RYR2: variants seen among roughly 807,000 people sequenced by gnomAD.
RYR2 encodes cardiac muscle ryanodine receptor-calcium release channel.
RYR2 carries 227 observed loss-of-function variants against 601.1 expected under a neutral mutation model. The observed-to-expected ratio is 0.38, with a 90% CI of 0.34 to 0.42. The LOEUF (loss-of-function observed/expected upper bound fraction) is 0.42. Ranked by LOEUF, RYR2 falls within the 10% of genes least tolerant of loss-of-function variation. The pLI is 1.00. For synonymous variants in RYR2, 2,223 were observed against 2,175.1 expected (o/e 1.02, Z -0.61); for missense variants, 4,646 against 6,156.5 (o/e 0.75, Z 8.21).
Position 237,831,160 on chromosome 1 carries a change from G to C in RYR2, c.14757-354G>C, listed in dbSNP as rs183325638. Among the ~76,000 whole-genome samples the C allele has an allele frequency of 2.0e-4, 31 of 152,202 alleles. No individual in the cohort carries two copies. In the South Asian group the frequency reaches 6.4e-3, roughly 32 times the overall value. ...TTTAGTATCAAACAGAAGAGATGCC[G>C]AGTAGCATTATAGGGAAAAAAAATT... On this transcript the variant is annotated intron_variant, in intron 103 of 104. Coordinates refer to ENST00000366574, the MANE Select transcript of RYR2 (RefSeq NM_001035.3).
intron 3 of RYR2, among the ~76,000 whole-genome samples, chr1:237,347,640 A>G (rs946216345): frequency 2.6e-5 from 4 of 152,036 alleles, no homozygotes; most frequent in Non-Finnish European, 4.4e-5. Context: ...TATTGTTTGG[A>G]TCAGACCTCG....
In RYR2 at chr1:237,729,555, G is replaced by A. The variant is rs529519199; in HGVS notation, c.10839-705G>A. On this transcript the variant is annotated intron_variant, in intron 76 of 104. Coordinates refer to ENST00000366574, the MANE Select transcript of RYR2 (RefSeq NM_001035.3). ...CAGCTTTCCATCCTGCAATGGCACC[G>A]TCTCTCATTCTATCACATCTGTTGT... is the stretch of plus-strand genomic sequence containing the variant. Among the ~76,000 whole-genome samples the A allele has an allele frequency of 1.1e-4, 16 of 152,226 alleles. 1 individual carries two copies. The East Asian group carries it at 2.3e-3, about 22-fold the overall frequency.
At chr1:237,536,754 C>T (rs2805448) in intron 25 of RYR2, among the ~76,000 whole-genome samples, 101,056 of 133,174 alleles carry the variant, frequency 0.76, 38,284 homozygotes, top group East Asian at 0.84. Context: ...GGCATGGTGG[C>T]AGGCGCCTGT....
rs1573126569 is a variant in RYR2, at chr1:237,614,726, A to G, written c.5598A>G (p.Lys1866=). The change falls in exon 37 of 105, where the codon AAA becomes AAG. Residue 1866 remains lysine, a synonymous_variant. Coordinates refer to ENST00000366574, the MANE Select transcript of RYR2 (RefSeq NM_001035.3). This position sits in a 1 kb window ranked among gnomAD's most constrained non-coding sequence, Gnocchi z 4.3. ...AGGAGGAGAGTGACACGCTGGAGAA[A>G]GAGCTCAGTGTGGACGATGCAAAGC... ...TPEEESDTLE[K]ELSVDDAKLQ... The G allele has an allele frequency of 5.6e-6, 9 of 1,613,886 alleles. No individual in the cohort carries two copies. Among genetic ancestry groups the G allele is most frequent in the African/African-American group, 4.0e-5 (3 of 74,938 alleles).
At chr1:237,677,966 G>A in intron 60 of RYR2, 82 bp from the exon 61 acceptor site, 1 of 867,768 alleles carries the variant, frequency 1.2e-6, no homozygotes, top group Non-Finnish European at 1.9e-6. Flanking sequence ...ATTTAGCAAT[G>A]CTTTCTAACC....
chr1:237,274,506 A>T (rs1013965038), intron 2 of RYR2, among the ~76,000 whole-genome samples: 1 of 152,198 alleles, frequency 6.6e-6, no homozygotes, highest in African/African-American at 2.4e-5. Context: ...GCTAAGTGTT[A>T]TTACAAAAAT....
rs760519665 is a variant in RYR2 at position 237,784,261 on chromosome 1, A to G, written c.12549A>G (p.Lys4183=). 2.5e-6 allele frequency: 4 copies of G among 1,613,864 alleles called. No homozygotes were observed. The African/African-American group carries it at 5.3e-5, about 22-fold the overall frequency. The change falls in exon 90 of 105, where the codon AAA becomes AAG. Residue 4183 remains lysine, a synonymous_variant. Transcript: ENST00000366574. The surrounding 1 kb of genome is among the most constrained non-coding windows in gnomAD (Gnocchi z 7.1). ...IFDVVNEGGE[K]EKMELFVNFC... is the part of the protein sequence containing the mutation. ...ACGTGGTCAACGAAGGCGGAGAGAA[A>G]GAGAAGATGGAACTCTTTGTGAACT...
At chr1:237,726,559 G>A (rs1214680613) in intron 75 of RYR2, among the ~76,000 whole-genome samples, 1 of 151,928 alleles carries the variant, frequency 6.6e-6, no homozygotes, top group East Asian at 1.9e-4. Context: ...ACAAAGCGTT[G>A]TCTTCTTCTC....
At chr1:237,284,479 T>TATATATATAATATATAAAATATATATAAA (rs1691256124) in intron 2 of RYR2, among the ~76,000 whole-genome samples, 1 of 101,984 alleles carries the variant, frequency 9.8e-6, no homozygotes, top group Admixed American at 1.0e-4. Context: ...TATATATACA[T>TATATATATAATATATAAAATATATATAAA]ATATATAATA....
chr1:237,235,132 T>C (rs1046949793), intron 1 of RYR2, among the ~76,000 whole-genome samples: 2 of 152,232 alleles, frequency 1.3e-5, no homozygotes, highest in African/African-American at 4.8e-5. Flanking sequence ...TCTCCAGTTC[T>C]TCTTTATTGA....
intron 24 of RYR2, 117 bp from the exon 25 acceptor site, chr1:237,530,310 C>T (rs1244071912): frequency 1.8e-6 from 1 of 556,722 alleles, no homozygotes; most frequent in Non-Finnish European, 3.0e-6. Context: ...GACTCCGTCT[C>T]AAAAAAAAAA....
In RYR2 at chr1:237,723,227, T is replaced by C. The variant is rs1297563380; in HGVS notation, c.10654T>C (p.Leu3552=). The change falls in exon 74 of 105, where the codon TTG becomes CTG. Residue 3552 remains leucine (L), a synonymous_variant. Coordinates refer to ENST00000366574, the MANE Select transcript of RYR2 (RefSeq NM_001035.3). The part of the protein sequence containing the change: ...SDPEKTVERV[L]DIANVLFHLE... ...TCCAGAGAAGACGGTAGAAAGAGTA[T>C]TGGATATAGCAAATGTGCTTTTTCA... is the stretch of plus-strand genomic sequence containing the variant. 3 of 1,612,014 alleles carry C rather than the reference T, an allele frequency of 1.9e-6. No homozygotes were observed. The African/African-American group carries it at 4.0e-5, about 22-fold the overall frequency.
chr1:237,606,726 AC>A (rs1677167142), intron 35 of RYR2, among the ~76,000 whole-genome samples: 1 of 152,234 alleles, frequency 6.6e-6, no homozygotes, highest in African/African-American at 2.4e-5. Flanking sequence ...AAACAAATTT[AC>A]AAGAAAAAAA....
chr1:237,818,274 T>C (rs1420724996), intron 100 of RYR2, among the ~76,000 whole-genome samples: 1 of 152,134 alleles, frequency 6.6e-6, no homozygotes, highest in Non-Finnish European at 1.5e-5. Flanking sequence ...GTGCTATTGG[T>C]ATCTAAGGGG....
chr1:237,115,318 A>G (rs1461232621), intron 1 of RYR2, among the ~76,000 whole-genome samples: 2 of 152,130 alleles, frequency 1.3e-5, no homozygotes, highest in Non-Finnish European at 2.9e-5. Context: ...CCATTGTACA[A>G]GAAGCACGGT....
Position 237,492,995 on chromosome 1 carries a change from T to C in RYR2, c.1869T>C (p.Val623=). ...VLCSLCVCHG[V]AVRSNQHLIC... is the part of the protein sequence containing the mutation. Reference sequence around the variant, plus strand: ...GCTCACTCTGTGTTTGCCACGGGGTTGCAGTCCGTTCTAACCAGCATCTCA... The same window carrying C: ...GCTCACTCTGTGTTTGCCACGGGGTCGCAGTCCGTTCTAACCAGCATCTCA... The change falls in exon 19 of 105, where the codon GTT becomes GTC. Residue 623 remains valine (V), a synonymous_variant. Transcript: ENST00000366574. The C allele has an allele frequency of 6.2e-7, 1 of 1,609,184 alleles. No individual in the cohort carries two copies. Among genetic ancestry groups the C allele is most frequent in the Admixed American group, 1.7e-5 (1 of 59,446 alleles).
At chr1:237,806,349 TA>T in intron 99 of RYR2, 66 bp downstream of exon 99, 1 of 1,437,708 alleles carries the variant, frequency 7.0e-7, no homozygotes, top group South Asian at 1.3e-5. Context: ...CAAAGAAAAA[TA>T]AAACTACCCC....
chr1:237,553,234 G>A (rs995575241), intron 27 of RYR2, among the ~76,000 whole-genome samples: 2 of 151,998 alleles, frequency 1.3e-5, no homozygotes, highest in Non-Finnish European at 2.9e-5. Flanking sequence ...TCTAAAGTGA[G>A]TTAGCTTTTG....
chr1:237,752,344 T>C (rs750099976), intron 80 of RYR2, among the ~76,000 whole-genome samples: 2 of 152,026 alleles, frequency 1.3e-5, no homozygotes, highest in Non-Finnish European at 2.9e-5. Context: ...AGAGACAGGG[T>C]CTTGCTATTT....
Sources: gnomAD v4.1 joint callset for allele counts (sites outside exome capture counted in the v4.1 genomes callset) on GRCh38, gnomAD v4.1.1 for gene constraint, Gnocchi (gnomAD v3.1) non-coding constraint, MANE v1.5 for transcripts, NCBI Gene and HGNC (gene_info 2026-07-23, HGNC 2026-07-21) for gene names.